ERBB4: variants seen among roughly 807,000 people sequenced by gnomAD.
The protein encoded by ERBB4 is receptor tyrosine-protein kinase erbB-4.
ERBB4 carries 42 observed loss-of-function variants against 158.0 expected under a neutral mutation model. The ratio of observed to expected loss-of-function variants is 0.27; its 90% CI spans 0.21 to 0.34. ERBB4 has a LOEUF of 0.34. Among genes scored for constraint, ERBB4 ranks in the 10% least tolerant of loss-of-function variants. The pLI, the probability that ERBB4 is intolerant of heterozygous loss-of-function variation, is 1.00. For missense variants in ERBB4, 1,333 were observed against 1,624.1 expected, an observed-to-expected ratio of 0.82 and a Z score of 3.08; for synonymous variants, 583 against 558.7, an observed-to-expected ratio of 1.04 and a Z score of -0.61.
At chr2:212,522,459 A>G (rs1045548102) in intron 1 of ERBB4, among the ~76,000 whole-genome samples, 3 of 151,310 alleles carry the variant, frequency 2.0e-5, no homozygotes, top group Non-Finnish European at 4.4e-5. Context: ...GAATAGCTTG[A>G]GTCGGAGATG....
At chr2:211,959,877 A>G (rs2081134327) in intron 2 of ERBB4, among the ~76,000 whole-genome samples, 1 of 152,090 alleles carries the variant, frequency 6.6e-6, no homozygotes, top group South Asian at 2.1e-4. Context: ...AAACATGGAA[A>G]GGAGCAAAGG....
intron 3 of ERBB4, among the ~76,000 whole-genome samples, chr2:211,927,928 A>G (rs1043418553): frequency 2.6e-5 from 4 of 152,138 alleles, no homozygotes; most frequent in Non-Finnish European, 5.9e-5. Flanking sequence ...AAAACAGCTT[A>G]ATCTTTCTTT....
chr2:211,674,260 A>G (rs2071967408), intron 13 of ERBB4, among the ~76,000 whole-genome samples: 1 of 152,134 alleles, frequency 6.6e-6, no homozygotes, highest in Non-Finnish European at 1.5e-5. Context: ...ACTCCACACC[A>G]ATAGCATTAC....
intron 1 of ERBB4, among the ~76,000 whole-genome samples, chr2:212,490,055 A>G (rs1234435359): frequency 1.3e-5 from 2 of 151,832 alleles, no homozygotes; most frequent in East Asian, 1.9e-4. Context: ...ATCTCTTACC[A>G]CTACCTAGAA....
intron 20 of ERBB4, among the ~76,000 whole-genome samples, chr2:211,508,224 C>T (rs2065798101): frequency 6.6e-6 from 1 of 151,990 alleles, no homozygotes; most frequent in African/African-American, 2.4e-5. Flanking sequence ...AAAATCTTTG[C>T]AATCCACCCA....
intron 1 of ERBB4, among the ~76,000 whole-genome samples, chr2:212,229,413 T>C (rs1213042121): frequency 1.3e-5 from 2 of 152,152 alleles, no homozygotes; most frequent in Non-Finnish European, 1.5e-5. Flanking sequence ...AGGAAACATA[T>C]ATGCAAAAGT....
At chr2:212,183,127 T>C (rs1033048085) in intron 1 of ERBB4, among the ~76,000 whole-genome samples, 1 of 151,906 alleles carries the variant, frequency 6.6e-6, no homozygotes, top group Non-Finnish European at 1.5e-5. Flanking sequence ...TTACCTTATT[T>C]TAAAATAAAT....
intron 18 of ERBB4, among the ~76,000 whole-genome samples, chr2:211,621,707 C>A (rs189980734): frequency 6.6e-6 from 1 of 152,190 alleles, no homozygotes; most frequent in East Asian, 1.9e-4. Context: ...ACTCTAGGAA[C>A]AATGTAAGAT....
intron 1 of ERBB4, among the ~76,000 whole-genome samples, chr2:212,231,851 ATTAT>A (rs1447720262): frequency 2.0e-5 from 3 of 152,140 alleles, no homozygotes; most frequent in African/African-American, 7.2e-5. Context: ...CTTTTTCTTC[ATTAT>A]TTATTTAACA....
In ERBB4 at chr2:211,869,874, C is replaced by A. The variant is rs544718700; in HGVS notation, c.421+77556G>T. ...TCTTCTGAAAATAGCACCACAAAAA[C>A]CTATTTGATTTTACTTTTAAATTTC... On this transcript the variant is annotated intron_variant, in intron 3 of 27. Transcript: ENST00000342788. 1.1e-3 allele frequency among the ~76,000 whole-genome samples: 162 copies of A among 152,200 alleles called. 2 individuals are homozygous for A. Among genetic ancestry groups the A allele is most frequent in the Non-Finnish European group, 2.1e-3 (143 of 67,976 alleles).
At chr2:212,290,558 G>T (rs995071495) in intron 1 of ERBB4, among the ~76,000 whole-genome samples, 1 of 152,176 alleles carries the variant, frequency 6.6e-6, no homozygotes, top group African/African-American at 2.4e-5. Context: ...TAGTGAAAGA[G>T]TTCTAGTGGG....
chr2:212,299,374 A>G (rs1449795702), intron 1 of ERBB4, among the ~76,000 whole-genome samples: 3 of 151,750 alleles, frequency 2.0e-5, no homozygotes, highest in African/African-American at 7.2e-5. Context: ...CAATTTTAAG[A>G]AACAATTTAT....
rs532589050 is a variant in ERBB4 at position 211,974,233 on chromosome 2, C to CT, written c.235-26618dup. 8.9e-4 allele frequency among the ~76,000 whole-genome samples: 135 copies of CT among 151,396 alleles called. 3 individuals carry two copies. In the South Asian group the frequency reaches 0.023, roughly 26 times the overall value. ...GCACTTGTACTCCTGAACTTAAAAG[C>CT]TTTTTTTTTAAATCATAAAATTTGA... is the stretch of plus-strand genomic sequence containing the variant. On this transcript the variant is annotated intron_variant, in intron 2 of 27. Coordinates refer to ENST00000342788, the MANE Select transcript of ERBB4 (RefSeq NM_005235.3).
intron 9 of ERBB4, among the ~76,000 whole-genome samples, chr2:211,708,798 C>A (rs1014585436): frequency 6.6e-6 from 1 of 152,034 alleles, no homozygotes; most frequent in South Asian, 2.1e-4. Flanking sequence ...TATTGTTAAT[C>A]CATTTCTCAA....
At chr2:211,929,123 C>G (rs1275809373) in intron 3 of ERBB4, among the ~76,000 whole-genome samples, 1 of 152,076 alleles carries the variant, frequency 6.6e-6, no homozygotes, top group Non-Finnish European at 1.5e-5. Flanking sequence ...GCCCTCAGTA[C>G]AGTTTGTGAT....
intron 1 of ERBB4, among the ~76,000 whole-genome samples, chr2:212,376,238 GA>G (rs1371743548): frequency 5.3e-5 from 8 of 151,998 alleles, no homozygotes; most frequent in African/African-American, 1.7e-4. Flanking sequence ...AACAGGAAAT[GA>G]AACATGTATT....
In ERBB4 at chr2:212,174,071, A is replaced by C. The variant is rs140168145; in HGVS notation, c.83-49168T>G. 7.5e-3 allele frequency among the ~76,000 whole-genome samples: 1,146 copies of C among 152,216 alleles called. 32 individuals are homozygous for C. Among genetic ancestry groups the C allele is most frequent in the Admixed American group, 0.043 (656 of 15,262 alleles). On this transcript the variant is annotated intron_variant, in intron 1 of 27. Coordinates refer to ENST00000342788, the MANE Select transcript of ERBB4 (RefSeq NM_005235.3). Reference sequence around the variant, plus strand: ...CTGCCATTAGACAGATTCCTGCTGCAGCTGAACTGATAGAAAACTGCAGGT... The same window carrying C: ...CTGCCATTAGACAGATTCCTGCTGCCGCTGAACTGATAGAAAACTGCAGGT...
At chr2:212,153,593 C>A (rs77424508) in intron 1 of ERBB4, among the ~76,000 whole-genome samples, 12,451 of 152,160 alleles carry the variant, frequency 0.082, 902 homozygotes, top group African/African-American at 0.19. Context: ...TGTTTTATTT[C>A]TCTTAAATTC....
chr2:212,202,777 G>A (rs1358295722), intron 1 of ERBB4, among the ~76,000 whole-genome samples: 3 of 152,130 alleles, frequency 2.0e-5, no homozygotes, highest in African/African-American at 7.2e-5. Flanking sequence ...ACTGATCACT[G>A]TCAGAAATCT....
Sources: allele counts gnomAD v4.1 joint callset (sites outside exome capture counted in the v4.1 genomes callset), GRCh38; gene constraint gnomAD v4.1.1; transcripts MANE v1.5; gene names NCBI Gene and HGNC (gene_info 2026-07-23, HGNC 2026-07-21).